RNF150: variants seen among roughly 807,000 people sequenced by gnomAD.
RNF150 encodes ring finger protein 150.
A neutral mutation model predicts 39.3 loss-of-function variants in RNF150; 24 were observed. The observed-to-expected ratio is 0.61, with a 90% CI of 0.44 to 0.86. The LOEUF (loss-of-function observed/expected upper bound fraction) is 0.86, where lower values mean the gene tolerates loss of function less well. RNF150 is among the 40% of genes least tolerant of loss of function. RNF150 has a pLI of 0.00. For synonymous variants in RNF150, 255 were observed against 227.3 expected, an observed-to-expected ratio of 1.12 and a Z score of -1.10; for missense variants, 502 against 587.8, an observed-to-expected ratio of 0.85 and a Z score of 1.51.
chr4:141,009,686 T>C (rs1206411725), intron 1 of RNF150, among the ~76,000 whole-genome samples: 1 of 152,264 alleles, frequency 6.6e-6, no homozygotes, highest in African/African-American at 2.4e-5. Flanking sequence ...ACCTATTCCA[T>C]GTCATTTTTT....
chr4:140,906,050 GA>G (rs1217215136), intron 6 of RNF150, among the ~76,000 whole-genome samples: 5 of 151,918 alleles, frequency 3.3e-5, no homozygotes, highest in Non-Finnish European at 2.9e-5. Flanking sequence ...GTGCCCAGCA[GA>G]AAAAAAATTT....
intron 4 of RNF150, among the ~76,000 whole-genome samples, chr4:140,931,148 C>T (rs1731620125): frequency 6.6e-6 from 1 of 152,058 alleles, no homozygotes; most frequent in South Asian, 2.1e-4. Flanking sequence ...AGTCCTGGTA[C>T]TCCTTAATTG....
At chr4:140,986,772 C>T (rs1011852769) in intron 1 of RNF150, among the ~76,000 whole-genome samples, 4 of 151,922 alleles carry the variant, frequency 2.6e-5, no homozygotes, top group Admixed American at 6.6e-5. Context: ...TGAAGCAGTC[C>T]TAGTCACAGT....
chr4:140,961,076 T>C (rs1203410059), intron 2 of RNF150, among the ~76,000 whole-genome samples: 1 of 152,120 alleles, frequency 6.6e-6, no homozygotes, highest in East Asian at 1.9e-4. Context: ...AGTTGGTATC[T>C]TTAGCTATTA....
At chr4:140,994,380 T>C (rs934814283) in intron 1 of RNF150, among the ~76,000 whole-genome samples, 2 of 152,222 alleles carry the variant, frequency 1.3e-5, no homozygotes, top group African/African-American at 4.8e-5. Flanking sequence ...TATCTGACCA[T>C]GAGCACAGGT....
intron 1 of RNF150, among the ~76,000 whole-genome samples, chr4:141,196,975 G>A (rs1055338790): frequency 6.6e-6 from 1 of 152,100 alleles, no homozygotes; most frequent in Admixed American, 6.6e-5. Context: ...CTCATATCCA[G>A]TTAAGAAAAC....
chr4:141,114,268 C>T (rs6831578), intron 1 of RNF150, among the ~76,000 whole-genome samples: 117,950 of 152,020 alleles, frequency 0.78, 46,615 homozygotes, highest in East Asian at 0.88. Context: ...ACTAGCCAGA[C>T]TAATAAAAAA....
rs374352886 is a variant in RNF150 at position 140,958,557 on chromosome 4, G to A, written c.735+9066C>T. ...CTCTCCCAAATTCATTCTATCAACTGTTCCTTTAACTTCTAAAAACTGTAA... is the reference window on the plus strand; with the variant it reads ...CTCTCCCAAATTCATTCTATCAACTATTCCTTTAACTTCTAAAAACTGTAA... On this transcript the variant is annotated intron_variant, in intron 2 of 6. Transcript: ENST00000515673. Among the ~76,000 whole-genome samples, 13 of 152,120 alleles carry A rather than the reference G, an allele frequency of 8.5e-5. No individual in the cohort carries two copies. The East Asian group carries it at 1.2e-3, about 14-fold the overall frequency.
Position 140,920,272 on chromosome 4 carries a change from T to G in RNF150, c.987+5705A>C, listed in dbSNP as rs1477603349. On this transcript the variant is annotated intron_variant, in intron 5 of 6. Transcript: ENST00000515673. The stretch of plus-strand genomic sequence containing the variant: ...GGCAACCTACAAAATGGGAGAAAAT[T>G]TTCGCAACCTACTCATCTGACAAAG... Among the ~76,000 whole-genome samples, 3 of 145,322 alleles carry G rather than the reference T, an allele frequency of 2.1e-5. No homozygotes were observed. The East Asian group carries it at 6.2e-4, about 30-fold the overall frequency.
intron 2 of RNF150, among the ~76,000 whole-genome samples, chr4:140,952,234 C>T (rs1732569510): frequency 6.6e-6 from 1 of 152,024 alleles, no homozygotes. Context: ...GGCTGGTCTT[C>T]AGCTCCTGAC....
chr4:140,947,546 G>T, intron 4 of RNF150, 108 bp downstream of exon 4: 1 of 762,292 alleles, frequency 1.3e-6, no homozygotes, highest in Non-Finnish European at 2.3e-6. Context: ...GAAACACTGA[G>T]GCAGACTGAC....
chr4:140,908,461 G>A (rs1364887), intron 6 of RNF150, among the ~76,000 whole-genome samples: 38,937 of 152,004 alleles, frequency 0.26, 5,521 homozygotes, highest in East Asian at 0.62. Flanking sequence ...ATTCATATAT[G>A]CCATCAGTCT....
chr4:140,912,231 T>C (rs557301801), intron 5 of RNF150, among the ~76,000 whole-genome samples: 113 of 152,356 alleles, frequency 7.4e-4, no homozygotes, highest in African/African-American at 2.5e-3. Flanking sequence ...AAAATGAATA[T>C]ATTTCTATCT....
intron 6 of RNF150, among the ~76,000 whole-genome samples, chr4:140,901,351 C>T (rs1380225192): frequency 1.3e-5 from 2 of 152,148 alleles, no homozygotes; most frequent in African/African-American, 2.4e-5. Flanking sequence ...TCTCCCTCTC[C>T]TCTTGTGATG....
intron 1 of RNF150, among the ~76,000 whole-genome samples, chr4:141,168,755 G>A (rs1727645574): frequency 6.6e-6 from 1 of 152,090 alleles, no homozygotes; most frequent in Admixed American, 6.6e-5. Flanking sequence ...GAGAACACAT[G>A]GACACAGGGA....
chr4:140,947,860 T>A (rs1407457649), intron 3 of RNF150, 124 bp from the exon 4 acceptor site: 1 of 586,210 alleles, frequency 1.7e-6, no homozygotes, highest in Non-Finnish European at 3.0e-6. Context: ...TGCCAGTTTT[T>A]AAATCAAATG....
chr4:140,939,266 A>T (rs1731984761), intron 4 of RNF150, among the ~76,000 whole-genome samples: 1 of 152,180 alleles, frequency 6.6e-6, no homozygotes, highest in Admixed American at 6.6e-5. Flanking sequence ...CTGTTTAAAA[A>T]ATTTCCACTT....
At chr4:141,092,680 G>C (rs985393865) in intron 1 of RNF150, among the ~76,000 whole-genome samples, 2 of 151,852 alleles carry the variant, frequency 1.3e-5, no homozygotes, top group Admixed American at 1.3e-4. Flanking sequence ...TGGTAATGCA[G>C]AGTCTTCTAA....
rs1726920461 is a variant in RNF150 at position 141,132,447 on chromosome 4, A to C, written c.362T>G (p.Ile121Ser). Residue 121 changes from isoleucine (I) to serine (S), a missense_variant, in exon 1 of 7, where the codon ATC (isoleucine) becomes AGC (serine). By Grantham distance (142) the Ile-to-Ser change is moderately radical. Transcript: ENST00000515673. This position sits in a 1 kb window ranked among gnomAD's most constrained non-coding sequence, Gnocchi z 4.9. ...PTRGKNWIAL[I>S]PKGNCTYRDK... ...CCTGTACGTGCAGTTGCCCTTGGGGATGAGGGCTATCCAGTTCTTGCCGCG... is the reference window on the plus strand; with the variant it reads ...CCTGTACGTGCAGTTGCCCTTGGGGCTGAGGGCTATCCAGTTCTTGCCGCG... The C allele has an allele frequency of 6.2e-7, 1 of 1,610,356 alleles. No individual in the cohort carries two copies. The highest frequency in any genetic ancestry group is 1.7e-5 in the Admixed American group (1 of 59,520).
Sources: allele counts gnomAD v4.1 joint callset (sites outside exome capture counted in the v4.1 genomes callset), GRCh38; gene constraint gnomAD v4.1.1; non-coding constraint Gnocchi (gnomAD v3.1); transcripts MANE v1.5; gene names NCBI Gene and HGNC (gene_info 2026-07-23, HGNC 2026-07-21).